Variants in WDR53 observed in about 807,000 individuals in gnomAD.
WDR53 encodes the protein WD repeat-containing protein 53.
WDR53 carries 19 observed loss-of-function variants against 21.3 expected under a neutral mutation model. The observed-to-expected ratio is 0.89, with a 90% confidence interval of 0.62 to 1.31. WDR53 has a LOEUF of 1.31. Among genes scored for constraint, WDR53 ranks in the 50% most tolerant of loss-of-function variants. The pLI is 0.00. For missense variants in WDR53, 374 were observed against 423.2 expected (o/e 0.88, Z 1.02); for synonymous variants, 157 against 163.4 (o/e 0.96, Z 0.30).
chr3:196,564,395 C>CTTCTTTTTTTTTTTTT lies in WDR53; in HGVS notation c.-17+2481_-17+2482insAAAAAAAAAAAAAGAA, dbSNP rs140247486. On this transcript the variant is annotated intron_variant, in intron 2 of 3. Coordinates refer to ENST00000332629, the MANE Select transcript of WDR53 (RefSeq NM_182627.3). Reference sequence around the variant, plus strand: ...ACGATTTCAATTTTTTTTCTTTTTTCTTTTTTTTTTTTTTTTGAGACAGGG... The same window carrying CTTCTTTTTTTTTTTTT: ...ACGATTTCAATTTTTTTTCTTTTTTCTTCTTTTTTTTTTTTTTTTTTTTTTTTTTTTTGAGACAGGG... Among the ~76,000 whole-genome samples the CTTCTTTTTTTTTTTTT allele has an allele frequency of 1.5e-5, 2 of 135,908 alleles. 1 individual carries two copies. Among genetic ancestry groups the CTTCTTTTTTTTTTTTT allele is most frequent in the African/African-American group, 5.6e-5 (2 of 35,662 alleles). The allele number at this position is 135,908 out of a possible 152,430, so 89.2% of individuals were successfully genotyped here. A position where few individuals can be genotyped will look rare whatever the true frequency, so the allele number is the denominator to read the frequency against.
At position 196,561,504 on chromosome 3, in the gene WDR53, G is replaced by A. The variant is rs766485008; in HGVS notation, c.-16-13C>T. The A allele has an allele frequency of 1.3e-6, 2 of 1,580,878 alleles. No homozygotes were observed. Among genetic ancestry groups the A allele is most frequent in the African/African-American group, 1.4e-5 (1 of 73,778 alleles). On this transcript the variant is annotated splice_polypyrimidine_tract_variant and intron_variant, in intron 2 of 3. Coordinates refer to ENST00000332629, the MANE Select transcript of WDR53 (RefSeq NM_182627.3). ...GGTCCCGGAGACTCTGTGAAGTGGG[G>A]GAAACAACTGTAATCTCATGTTTTA...
chr3:196,567,903 AC>A (rs1735585095), intron 1 of WDR53, among the ~76,000 whole-genome samples: 1 of 151,992 alleles, frequency 6.6e-6, no homozygotes, highest in South Asian at 2.1e-4. Context: ...GGCGCACGCC[AC>A]CACCCTCGGC....
chr3:196,557,411 C>G (rs187697644), intron 3 of WDR53, among the ~76,000 whole-genome samples: 1 of 152,050 alleles, frequency 6.6e-6, no homozygotes, highest in Non-Finnish European at 1.5e-5. Flanking sequence ...CTGGGTGTGT[C>G]GGCTTGTGCC....
chr3:196,560,311 C>T (rs999933493), intron 3 of WDR53, among the ~76,000 whole-genome samples: 3 of 150,364 alleles, frequency 2.0e-5, no homozygotes, highest in South Asian at 2.1e-4. Flanking sequence ...GGCATGATCT[C>T]GGCTCACTGC....
At position 196,561,436 on chromosome 3, in the gene WDR53, G is replaced by A; in HGVS notation, c.40C>T (p.Leu14Phe). The change falls in exon 3 of 4, where the codon CTC becomes TTC. Residue 14 changes from leucine to phenylalanine, a missense_variant. Transcript: ENST00000332629. ...KWTGGHSSPV[L>F]CLNASKEGLL... ...CCTTCTTTACTTGCATTCAGGCAGA[G>A]GACAGGAGAAGAATGCCCACCCGTC... 1 of 1,614,046 alleles carries A rather than the reference G, an allele frequency of 6.2e-7. No homozygotes were observed. Among genetic ancestry groups the A allele is most frequent in the Non-Finnish European group, 8.5e-7 (1 of 1,180,014 alleles).
Position 196,554,693 on chromosome 3 carries a change from G to C in WDR53, c.595C>G (p.Leu199Val), listed in dbSNP as rs780772767. 1.2e-6 allele frequency: 2 copies of C among 1,614,152 alleles called. No individual in the cohort carries two copies. Among genetic ancestry groups the C allele is most frequent in the East Asian group, 4.5e-5 (2 of 44,890 alleles). Reference sequence around the variant, plus strand: ...GAAGCCACAGAGATAGAATGGGCTAGGGCAGGGTTTAAGAGCTGACCAGGT... The same window carrying C: ...GAAGCCACAGAGATAGAATGGGCTACGGCAGGGTTTAAGAGCTGACCAGGT... ...QSPGQLLNPA[L>V]AHSISVASCG... The change falls in exon 4 of 4, where the codon CTA becomes GTA. Residue 199 changes from leucine to valine, a missense_variant. Coordinates refer to ENST00000332629, the MANE Select transcript of WDR53 (RefSeq NM_182627.3).
rs1196597318 is a variant in WDR53, at chr3:196,567,469, A to C, written c.-447-162T>G. Among the ~76,000 whole-genome samples the C allele has an allele frequency of 2.0e-5, 3 of 152,236 alleles. No homozygotes were observed. In the East Asian group the frequency reaches 5.8e-4, roughly 29 times the overall value. ...ACTAAGAAATGGATTATACATAGCA[A>C]GAAGCTTCAGAAAAGATTTCTTACT... On this transcript the variant is annotated intron_variant, in intron 1 of 3. Transcript: ENST00000332629.
rs75037203 is a variant in WDR53 at position 196,556,922 on chromosome 3, G to A, written c.481-2115C>T. Among the ~76,000 whole-genome samples, 715 of 152,222 alleles carry A rather than the reference G, an allele frequency of 4.7e-3. 9 individuals are homozygous for A. Among genetic ancestry groups the A allele is most frequent in the African/African-American group, 0.017 (696 of 41,546 alleles). On this transcript the variant is annotated intron_variant, in intron 3 of 3. Transcript: ENST00000332629. The stretch of plus-strand genomic sequence containing the variant: ...CTACCAAGTCTAGAATCATTTCCAC[G>A]TATTGAGGATTCCAGACTGTTCCTG...
chr3:196,554,914 G>T, intron 3 of WDR53, 107 bp from the exon 4 acceptor site: 3 of 872,300 alleles, frequency 3.4e-6, no homozygotes, highest in Non-Finnish European at 3.6e-6. Context: ...CTGAGAATGA[G>T]CAGTAGTGCA....
At chr3:196,559,302 A>C (rs1734608399) in intron 3 of WDR53, among the ~76,000 whole-genome samples, 1 of 152,232 alleles carries the variant, frequency 6.6e-6, no homozygotes. Context: ...GTCAAAACCT[A>C]GGAGTGGAAA....
At chr3:196,565,510 G>T (rs1161264150) in intron 2 of WDR53, among the ~76,000 whole-genome samples, 7 of 150,044 alleles carry the variant, frequency 4.7e-5, no homozygotes, top group Admixed American at 4.7e-4. Flanking sequence ...GGTTGCAGTG[G>T]TGAACTGAGA....
chr3:196,568,511 C>G lies in WDR53; in HGVS notation c.-448+8G>C, dbSNP rs1168641803. 1 of 152,522 alleles carries G rather than the reference C, an allele frequency of 6.6e-6. No individual in the cohort carries two copies. Among genetic ancestry groups the G allele is most frequent in the Admixed American group, 6.5e-5 (1 of 15,288 alleles). 9.4% of individuals were successfully genotyped at this position (152,522 alleles called of 1,614,324 possible). On this transcript the variant is annotated splice_region_variant and intron_variant, in intron 1 of 3. Coordinates refer to ENST00000332629, the MANE Select transcript of WDR53 (RefSeq NM_182627.3). ...GCAGCATCGAAGCCACCGGCGCCAG[C>G]CTCATACCTGCGCTTCCCGCTCCCC...
chr3:196,568,387 G>A (rs926766632), intron 1 of WDR53, 132 bp downstream of exon 1: 1 of 152,756 alleles, frequency 6.5e-6, no homozygotes, highest in African/African-American at 2.4e-5. Flanking sequence ...ACGGACACAG[G>A]GAAACGTCAC....
intron 2 of WDR53, among the ~76,000 whole-genome samples, chr3:196,565,072 A>G (rs1735248434): frequency 6.6e-6 from 1 of 152,184 alleles, no homozygotes; most frequent in Non-Finnish European, 1.5e-5. Context: ...TATTATAAAG[A>G]CTACAGTTCC....
intron 3 of WDR53, 74 bp downstream of exon 3, chr3:196,560,922 G>C: frequency 6.6e-7 from 1 of 1,518,258 alleles, no homozygotes; most frequent in South Asian, 1.3e-5. Context: ...AAGATATTTC[G>C]TGTGATCAAT....
chr3:196,564,197 G>A (rs1735150618), intron 2 of WDR53, among the ~76,000 whole-genome samples: 1 of 152,016 alleles, frequency 6.6e-6, no homozygotes, highest in South Asian at 2.1e-4. Flanking sequence ...TAAATATGCC[G>A]TAACGAAGAC....
At chr3:196,566,665 C>A (rs762204900) in intron 2 of WDR53, among the ~76,000 whole-genome samples, 3 of 152,108 alleles carry the variant, frequency 2.0e-5, no homozygotes, top group Non-Finnish European at 4.4e-5. Context: ...CCGCCCGCTT[C>A]GGCCTCCCAA....
At chr3:196,558,266 CGAG>C (rs897904696) in intron 3 of WDR53, among the ~76,000 whole-genome samples, 4 of 152,054 alleles carry the variant, frequency 2.6e-5, no homozygotes, top group African/African-American at 9.7e-5. Flanking sequence ...AGTGCAGTGG[CGAG>C]ATCATGGCTC....
intron 3 of WDR53, among the ~76,000 whole-genome samples, chr3:196,560,236 CTTTCTTT>C (rs1734696511): frequency 7.0e-6 from 1 of 143,526 alleles, no homozygotes; most frequent in African/African-American, 2.7e-5. Flanking sequence ...TGTGATGCTC[CTTTCTTT>C]TTTCTTTTTT....
Sources: allele counts gnomAD v4.1 joint callset (sites outside exome capture counted in the v4.1 genomes callset), GRCh38; gene constraint gnomAD v4.1.1; transcripts MANE v1.5; gene names NCBI Gene and HGNC (gene_info 2026-07-23, HGNC 2026-07-21).